TNNI3K: variants seen among roughly 807,000 people sequenced by gnomAD.
TNNI3K encodes the protein serine/threonine-protein kinase TNNI3K.
A neutral mutation model predicts 114.5 loss-of-function variants in TNNI3K; 140 were observed. The observed-to-expected ratio is 1.22, with a 90% CI of 1.07 to 1.41. TNNI3K has a LOEUF of 1.41. Ranked by LOEUF, TNNI3K falls within the 40% of genes most tolerant of loss-of-function variation. The pLI is 0.00. For missense variants in TNNI3K, 1,125 were observed against 1,007.6 expected, an observed-to-expected ratio of 1.12 and a Z score of -1.58; for synonymous variants, 347 against 347.5, an observed-to-expected ratio of 1.00 and a Z score of 0.02.
At chr1:74,281,897 A>G (rs1479523654) in intron 5 of TNNI3K, among the ~76,000 whole-genome samples, 1 of 152,166 alleles carries the variant, frequency 6.6e-6, no homozygotes, top group Non-Finnish European at 1.5e-5. Context: ...CCCTTCTGAT[A>G]ATTAAACATC....
At chr1:74,281,550 TTATA>T (rs1657018539) in intron 5 of TNNI3K, among the ~76,000 whole-genome samples, 1 of 152,160 alleles carries the variant, frequency 6.6e-6, no homozygotes, top group African/African-American at 2.4e-5. Flanking sequence ...AATGTCCCCA[TTATA>T]TTGAGTCTTC....
At chr1:74,491,199 A>G (rs974756772) in intron 22 of TNNI3K, among the ~76,000 whole-genome samples, 1 of 152,156 alleles carries the variant, frequency 6.6e-6, no homozygotes, top group Non-Finnish European at 1.5e-5. Context: ...AGAGATAATT[A>G]GGGTGAGTCC....
intron 17 of TNNI3K, among the ~76,000 whole-genome samples, chr1:74,412,869 C>T (rs958484603): frequency 3.9e-5 from 6 of 152,224 alleles, no homozygotes; most frequent in Non-Finnish European, 8.8e-5. Flanking sequence ...TTGCCTCGGC[C>T]TCCCAAAGTG....
intron 23 of TNNI3K, among the ~76,000 whole-genome samples, chr1:74,505,838 C>A (rs1363878321): frequency 1.3e-5 from 2 of 152,170 alleles, no homozygotes; most frequent in Non-Finnish European, 2.9e-5. Flanking sequence ...AAAATCTTCA[C>A]CATTAATATT....
intron 20 of TNNI3K, among the ~76,000 whole-genome samples, chr1:74,451,687 C>CTTTTCTTTTCT (rs59304469): frequency 0.031 from 807 of 26,300 alleles, 18 homozygotes; most frequent in Non-Finnish European, 0.042. Flanking sequence ...CTTTTCTTTT[C>CTTTTCTTTTCT]TTTCTTTCTT....
chr1:74,543,063 CCTTT>C, intron 24 of TNNI3K, among the ~76,000 whole-genome samples: 2 of 12,384 alleles, frequency 1.6e-4, no homozygotes, highest in East Asian at 4.4e-3. Flanking sequence ...TTTCTTTTTC[CCTTT>C]TTTTTTTTTT....
intron 17 of TNNI3K, among the ~76,000 whole-genome samples, chr1:74,389,311 A>T (rs547632800): frequency 3.5e-4 from 53 of 152,310 alleles, no homozygotes; most frequent in Non-Finnish European, 6.5e-4. Context: ...AAATGGAAAG[A>T]TGTCAATCAG....
At chr1:74,255,662 T>G (rs939187912) in intron 4 of TNNI3K, among the ~76,000 whole-genome samples, 1 of 152,216 alleles carries the variant, frequency 6.6e-6, no homozygotes, top group Non-Finnish European at 1.5e-5. Context: ...CAAATACAAT[T>G]ATCAATTTTA....
intron 11 of TNNI3K, among the ~76,000 whole-genome samples, chr1:74,361,302 C>T (rs1471857304): frequency 6.6e-6 from 1 of 151,992 alleles, no homozygotes; most frequent in Non-Finnish European, 1.5e-5. Flanking sequence ...AAGACAGTCT[C>T]AACTATCCTG....
chr1:74,363,997 ATT>A (rs941042231), intron 11 of TNNI3K, among the ~76,000 whole-genome samples: 12 of 146,384 alleles, frequency 8.2e-5, no homozygotes, highest in Non-Finnish European at 1.7e-4. Context: ...TATTATTATT[ATT>A]ATTATTATTA....
At chr1:74,381,319 A>C (rs1439549428) in intron 17 of TNNI3K, among the ~76,000 whole-genome samples, 1 of 152,166 alleles carries the variant, frequency 6.6e-6, no homozygotes, top group East Asian at 1.9e-4. Flanking sequence ...TCAGTTTTCT[A>C]ATTTCCAAGA....
intron 22 of TNNI3K, among the ~76,000 whole-genome samples, chr1:74,490,050 TAAAAAAAAA>T (rs36063099): frequency 2.3e-5 from 1 of 42,892 alleles, no homozygotes; most frequent in Non-Finnish European, 5.2e-5. Context: ...TTTTTTTTTC[TAAAAAAAAA>T]AAAAAAAAAA....
Position 74,412,855 on chromosome 1 carries a change from C to T in TNNI3K, c.1773-23225C>T, listed in dbSNP as rs568269164. On this transcript the variant is annotated intron_variant, in intron 17 of 24. Transcript: ENST00000326637. ...CGTCGAACTCCTGACCTCAAGTGACCTGTTTGCCTCGGCCTCCCAAAGTGC... is the reference window on the plus strand; with the variant it reads ...CGTCGAACTCCTGACCTCAAGTGACTTGTTTGCCTCGGCCTCCCAAAGTGC... Among the ~76,000 whole-genome samples, 12 of 152,292 alleles carry T rather than the reference C, an allele frequency of 7.9e-5. No individual in the cohort carries two copies. In the South Asian group the frequency reaches 2.3e-3, roughly 29 times the overall value.
In TNNI3K at chr1:74,526,487, G is replaced by C. The variant is rs561291862; in HGVS notation, c.2352-13747G>C. Among the ~76,000 whole-genome samples, 6 of 152,198 alleles carry C rather than the reference G, an allele frequency of 3.9e-5. No individual in the cohort carries two copies. The South Asian group carries it at 1.2e-3, about 32-fold the overall frequency. The stretch of plus-strand genomic sequence containing the variant: ...TACGGTTCTTATAACCTGTGACTTT[G>C]GCCAAGTTAGTTGAGCTCTCCAAGT... On this transcript the variant is annotated intron_variant, in intron 23 of 24. Coordinates refer to ENST00000326637, the MANE Select transcript of TNNI3K (RefSeq NM_015978.3).
intron 23 of TNNI3K, among the ~76,000 whole-genome samples, chr1:74,514,219 C>T (rs1177585399): frequency 2.0e-5 from 3 of 152,140 alleles, no homozygotes; most frequent in Admixed American, 1.3e-4. Context: ...GTATAAGATA[C>T]GGTCTAATAA....
chr1:74,301,825 T>C (rs1301203232), intron 5 of TNNI3K, among the ~76,000 whole-genome samples: 2 of 152,192 alleles, frequency 1.3e-5, no homozygotes, highest in African/African-American at 2.4e-5. Context: ...TCTCCTGTGG[T>C]TGACTAGAAT....
At chr1:74,273,911 A>G (rs1167315530) in intron 5 of TNNI3K, among the ~76,000 whole-genome samples, 1 of 151,948 alleles carries the variant, frequency 6.6e-6, no homozygotes, top group Non-Finnish European at 1.5e-5. Flanking sequence ...AAACTATCTA[A>G]AATAATTATA....
chr1:74,512,449 A>G (rs1200522731), intron 23 of TNNI3K: 1 of 152,194 alleles, frequency 6.6e-6, no homozygotes, highest in Non-Finnish European at 1.5e-5. Context: ...GTCTCTTTAA[A>G]TGGTGAGGAA....
chr1:74,527,622 C>T (rs1646520268), intron 23 of TNNI3K, among the ~76,000 whole-genome samples: 1 of 152,144 alleles, frequency 6.6e-6, no homozygotes, highest in East Asian at 1.9e-4. Flanking sequence ...GAGGCCAGGT[C>T]ATGAGGGCTT....
Sources: gnomAD v4.1 joint callset for allele counts (sites outside exome capture counted in the v4.1 genomes callset) on GRCh38, gnomAD v4.1.1 for gene constraint, MANE v1.5 for transcripts, NCBI Gene and HGNC (gene_info 2026-07-23, HGNC 2026-07-21) for gene names.